The following TBCD variants were observed in gnomAD, a reference collection of about 807,000 sequenced individuals.
TBCD encodes the protein tubulin folding cofactor D.
A neutral mutation model predicts 169.3 loss-of-function variants in TBCD; 105 were observed. The observed-to-expected ratio is 0.62, with a 90% CI of 0.53 to 0.73. TBCD has a LOEUF of 0.73. TBCD is among the 30% of genes least tolerant of loss of function. The pLI is 0.00. For missense variants in TBCD, 1,444 were observed against 1,600.1 expected (o/e 0.90, Z 1.66); for synonymous variants, 700 against 643.9 (o/e 1.09, Z -1.32).
intron 15 of TBCD, among the ~76,000 whole-genome samples, chr17:82,888,728 C>G (rs964256068): frequency 1.3e-5 from 2 of 152,154 alleles, no homozygotes; most frequent in South Asian, 4.1e-4. Flanking sequence ...TGGCTGTGTT[C>G]GGCTCCTTAC....
intron 28 of TBCD, 70 bp downstream of exon 28, chr17:82,926,561 T>G: frequency 7.3e-7 from 1 of 1,360,782 alleles, no homozygotes; most frequent in Non-Finnish European, 1.0e-6. Context: ...CTAAGGGGGA[T>G]GTTTTTGCTC....
chr17:82,761,896 T>G (rs928494252), intron 2 of TBCD, among the ~76,000 whole-genome samples: 1 of 151,596 alleles, frequency 6.6e-6, no homozygotes, highest in Admixed American at 6.6e-5. Context: ...CAGCTAATTT[T>G]TTTTTTATTT....
Position 82,805,585 on chromosome 17 carries a change from G to A in TBCD, c.951-290G>A, listed in dbSNP as rs564504779. Among the ~76,000 whole-genome samples, 7 of 152,296 alleles carry A rather than the reference G, an allele frequency of 4.6e-5. No homozygotes were observed. In the South Asian group the frequency reaches 1.2e-3, roughly 27 times the overall value. On this transcript the variant is annotated intron_variant, in intron 9 of 38. Transcript: ENST00000355528. Reference sequence around the variant, plus strand: ...CCCCAGGGAAGGCGCTGGTCCTGTCGTCTGTGTACCCATCATCTGCCTTCT... The same window carrying A: ...CCCCAGGGAAGGCGCTGGTCCTGTCATCTGTGTACCCATCATCTGCCTTCT...
intron 13 of TBCD, among the ~76,000 whole-genome samples, chr17:82,836,583 T>C (rs1245368383): frequency 6.6e-6 from 1 of 151,814 alleles, no homozygotes; most frequent in Non-Finnish European, 1.5e-5. Flanking sequence ...CTCTAGCGCC[T>C]GAAACACAAG....
Position 82,936,368 on chromosome 17 carries a change from G to C in TBCD, c.3192-903G>C, listed in dbSNP as rs546051772. 1.7e-3 allele frequency among the ~76,000 whole-genome samples: 257 copies of C among 151,660 alleles called. 1 individual carries two copies. The highest frequency in any genetic ancestry group is 6.0e-3 in the African/African-American group (247 of 40,966). On this transcript the variant is annotated intron_variant, in intron 34 of 38. Coordinates refer to ENST00000355528, the MANE Select transcript of TBCD (RefSeq NM_005993.5). ...GTCTGCTTGTAGCGCTTTCCGCTTCGCCGTTCCCTGCGGCCCTTCCTTCCG... is the reference window on the plus strand; with the variant it reads ...GTCTGCTTGTAGCGCTTTCCGCTTCCCCGTTCCCTGCGGCCCTTCCTTCCG...
chr17:82,803,583 T>A (rs2050731521), intron 9 of TBCD, among the ~76,000 whole-genome samples: 2 of 152,206 alleles, frequency 1.3e-5, no homozygotes, highest in Admixed American at 1.3e-4. Context: ...GGCTGTTTCC[T>A]TGGTACGGTG....
intron 17 of TBCD, among the ~76,000 whole-genome samples, chr17:82,897,214 C>CT (rs759809298): frequency 1.3e-5 from 2 of 151,974 alleles, no homozygotes; most frequent in Admixed American, 6.6e-5. Context: ...AAGTCAAAGC[C>CT]TTTTTAAAAA....
chr17:82,872,171 A>C (rs2057618012), intron 14 of TBCD, among the ~76,000 whole-genome samples: 1 of 152,216 alleles, frequency 6.6e-6, no homozygotes, highest in African/African-American at 2.4e-5. Context: ...CCTCCTATCC[A>C]GGGAGACCGT....
chr17:82,870,389 A>G lies in TBCD; in HGVS notation c.1475+9A>G, dbSNP rs2057469653. 2 of 1,611,066 alleles carry G rather than the reference A, an allele frequency of 1.2e-6. No homozygotes were observed. The highest frequency in any genetic ancestry group is 2.7e-5 in the African/African-American group (2 of 74,906). The stretch of plus-strand genomic sequence containing the variant: ...GTGACTGCAATCTCGAGGTAGGCCC[A>G]TTCGTCGAGGTACATCGGATGCGCC... On this transcript the variant is annotated intron_variant, in intron 14 of 38. Coordinates refer to ENST00000355528, the MANE Select transcript of TBCD (RefSeq NM_005993.5).
At chr17:82,802,871 A>G (rs996497405) in intron 9 of TBCD, among the ~76,000 whole-genome samples, 14 of 152,258 alleles carry the variant, frequency 9.2e-5, no homozygotes, top group African/African-American at 3.4e-4. Flanking sequence ...AAAGTTAAGC[A>G]TCACAAGCAC....
In TBCD at chr17:82,800,880, G is replaced by C; in HGVS notation, c.834G>C (p.Arg278Ser). 1.2e-6 allele frequency: 2 copies of C among 1,612,678 alleles called. No individual in the cohort carries two copies. The highest frequency in any genetic ancestry group is 1.7e-6 in the Non-Finnish European group (2 of 1,179,576). ...TGTTTGCAGCTGCCACTGTCCTCAG[G>C]TGCCTCGATGGCTGCAGACTCCCTG... ...DCLPYAATVL[R>S]CLDGCRLPES... Residue 278 changes from arginine (R) to serine (S), a missense_variant, in exon 9 of 39, where the codon AGG becomes AGC. Arg to Ser is a moderately radical substitution (Grantham distance 110). Coordinates refer to ENST00000355528, the MANE Select transcript of TBCD (RefSeq NM_005993.5).
At chr17:82,932,590 C>A (rs958207518) in intron 33 of TBCD, 68 bp from the exon 34 acceptor site, 10 of 1,325,390 alleles carry the variant, frequency 7.5e-6, no homozygotes, top group Non-Finnish European at 2.1e-6. Flanking sequence ...TGCTGACTCT[C>A]AGCCATTCAG....
chr17:82,819,237 A>C (rs895033085), intron 13 of TBCD, among the ~76,000 whole-genome samples: 14 of 152,240 alleles, frequency 9.2e-5, no homozygotes, highest in African/African-American at 3.4e-4. Flanking sequence ...GTGGGCAGGC[A>C]GTGATGCGAT....
chr17:82,759,724 T>C (rs1442221035), intron 2 of TBCD, among the ~76,000 whole-genome samples: 1 of 152,332 alleles, frequency 6.6e-6, no homozygotes, highest in African/African-American at 2.4e-5. Flanking sequence ...TAATCAGTTA[T>C]GTAAGCCTCA....
chr17:82,897,032 G>T (rs759460205), intron 17 of TBCD, among the ~76,000 whole-genome samples: 8 of 152,128 alleles, frequency 5.3e-5, no homozygotes, highest in Non-Finnish European at 1.0e-4. Flanking sequence ...CCATTTCAGG[G>T]GCGTGTTTAA....
At chr17:82,758,100 T>C (rs1407940647) in intron 2 of TBCD, among the ~76,000 whole-genome samples, 1 of 151,982 alleles carries the variant, frequency 6.6e-6, no homozygotes, top group Non-Finnish European at 1.5e-5. Flanking sequence ...TTGCAAAAAC[T>C]GTTTTTCGCC....
Position 82,920,737 on chromosome 17 carries a change from T to C in TBCD, c.2101+119T>C. ...GATTATAGCTTAAAGGTTCAAGATA[T>C]TAATCGGATACGTTGCCTTGAAGTT... On this transcript the variant is annotated intron_variant, in intron 24 of 38. Coordinates refer to ENST00000355528, the MANE Select transcript of TBCD (RefSeq NM_005993.5). The surrounding 1 kb of genome is among the most constrained non-coding windows in gnomAD (Gnocchi z 4.1). 2.1e-6 allele frequency: 2 copies of C among 936,740 alleles called. No homozygotes were observed. Among genetic ancestry groups the C allele is most frequent in the East Asian group, 2.6e-5 (1 of 38,026 alleles). 58.0% of individuals were successfully genotyped at this position (936,740 alleles called of 1,614,324 possible).
chr17:82,803,640 C>G (rs1418169190), intron 9 of TBCD, among the ~76,000 whole-genome samples: 2 of 152,230 alleles, frequency 1.3e-5, no homozygotes, highest in Non-Finnish European at 2.9e-5. Flanking sequence ...CCACCTGCAG[C>G]TTCCCCTCGC....
intron 13 of TBCD, chr17:82,830,422 T>C (rs1400639370): frequency 2.5e-6 from 4 of 1,611,844 alleles, no homozygotes; most frequent in Non-Finnish European, 3.4e-6. Flanking sequence ...TGCCGTCTGC[T>C]TCTGCTCCTC....
Sources: gnomAD v4.1 joint callset for allele counts (sites outside exome capture counted in the v4.1 genomes callset) on GRCh38, gnomAD v4.1.1 for gene constraint, Gnocchi (gnomAD v3.1) non-coding constraint, MANE v1.5 for transcripts, NCBI Gene and HGNC (gene_info 2026-07-23, HGNC 2026-07-21) for gene names.